PTPRG: variants seen among roughly 807,000 people sequenced by gnomAD.
PTPRG encodes protein tyrosine phosphatase receptor type G.
PTPRG carries 102 observed loss-of-function variants against 165.3 expected under a neutral mutation model. The ratio of observed to expected loss-of-function variants is 0.62; its 90% CI spans 0.53 to 0.73. The LOEUF (loss-of-function observed/expected upper bound fraction) is 0.73. PTPRG is among the 30% of genes least tolerant of loss of function. The probability of loss-of-function intolerance (pLI) is 0.00; values close to 1 mark genes in which losing one functional copy is unlikely to be tolerated. For missense variants in PTPRG, 1,866 were observed against 1,861.4 expected, an observed-to-expected ratio of 1.00 and a Z score of -0.05; for synonymous variants, 675 against 669.5, an observed-to-expected ratio of 1.01 and a Z score of -0.13.
At chr3:61,916,325 GTGT>G (rs1377190962) in intron 2 of PTPRG, among the ~76,000 whole-genome samples, 1 of 152,138 alleles carries the variant, frequency 6.6e-6, no homozygotes, top group African/African-American at 2.4e-5. Flanking sequence ...ACATAGGGTG[GTGT>G]TGAAAATTAT....
At chr3:61,846,423 C>A (rs1253394821) in intron 2 of PTPRG, among the ~76,000 whole-genome samples, 1 of 148,540 alleles carries the variant, frequency 6.7e-6, no homozygotes, top group Non-Finnish European at 1.5e-5. Flanking sequence ...AAGAAACAGG[C>A]TTCAGAGTCA....
intron 2 of PTPRG, among the ~76,000 whole-genome samples, chr3:61,891,049 G>A (rs1362725511): frequency 2.0e-5 from 3 of 152,218 alleles, no homozygotes; most frequent in Non-Finnish European, 2.9e-5. Flanking sequence ...GCTGGTTGCG[G>A]TGGCTCATGC....
chr3:62,017,770 A>G (rs1354822574), intron 4 of PTPRG, among the ~76,000 whole-genome samples: 2 of 152,160 alleles, frequency 1.3e-5, no homozygotes, highest in Admixed American at 1.3e-4. Context: ...TGTAGCTCTT[A>G]TATTAACAAC....
At chr3:62,070,738 C>A (rs1038907632) in intron 4 of PTPRG, among the ~76,000 whole-genome samples, 1 of 152,164 alleles carries the variant, frequency 6.6e-6, no homozygotes, top group Non-Finnish European at 1.5e-5. Context: ...ATCAAAAAAG[C>A]AGAACTGGCA....
At chr3:61,953,235 C>A (rs1300508411) in intron 2 of PTPRG, among the ~76,000 whole-genome samples, 2 of 152,070 alleles carry the variant, frequency 1.3e-5, no homozygotes, top group Non-Finnish European at 1.5e-5. Flanking sequence ...CTTTTCTTGC[C>A]CCCAGCTAAG....
At position 62,190,523 on chromosome 3, in the gene PTPRG, C is replaced by T. The variant is rs566487263; in HGVS notation, c.1034-946C>T. On this transcript the variant is annotated intron_variant, in intron 8 of 29. Transcript: ENST00000474889. The surrounding 1 kb of genome is among the most constrained non-coding windows in gnomAD (Gnocchi z 5.2). Reference sequence around the variant, plus strand: ...GTTTGTCTGTAAATAGATTTAGATCCACCGTGTCCCTTAAACCTCTCAGCC... The same window carrying T: ...GTTTGTCTGTAAATAGATTTAGATCTACCGTGTCCCTTAAACCTCTCAGCC... Among the ~76,000 whole-genome samples, 11 of 152,106 alleles carry T rather than the reference C, an allele frequency of 7.2e-5. No homozygotes were observed. The highest frequency in any genetic ancestry group is 5.9e-4 in the Admixed American group (9 of 15,258).
rs1700410406 is a variant in PTPRG at position 61,585,400 on chromosome 3, G to T, written c.85+23028G>T. 1.3e-5 allele frequency among the ~76,000 whole-genome samples: 2 copies of T among 152,042 alleles called. 1 individual carries two copies. Among genetic ancestry groups the T allele is most frequent in the South Asian group, 4.1e-4 (2 of 4,826 alleles). On this transcript the variant is annotated intron_variant, in intron 1 of 29. Transcript: ENST00000474889. ...CTGTAACCTCAACACGCAGTCTTAT[G>T]ACTTGCCATTTGGTACTATAGCCAT...
chr3:61,605,890 T>C (rs1416318532), intron 1 of PTPRG, among the ~76,000 whole-genome samples: 1 of 152,176 alleles, frequency 6.6e-6, no homozygotes, highest in Admixed American at 6.5e-5. Context: ...TGAATAAATA[T>C]GAACAGCTTG....
chr3:61,562,071 A>C lies in PTPRG; in HGVS notation c.-217A>C. ...TTTCTCCGCCGAGAGGATCGTCCCC[A>C]GCGTGGCTCTGCGTTCCCGGTCACT... On this transcript the variant is annotated 5_prime_UTR_variant, in exon 1 of 30. Coordinates refer to ENST00000474889, the MANE Select transcript of PTPRG (RefSeq NM_002841.4). 1.8e-6 allele frequency: 1 copy of C among 567,042 alleles called. No homozygotes were observed. Among genetic ancestry groups the C allele is most frequent in the Non-Finnish European group, 3.1e-6 (1 of 318,344 alleles). The allele number at this position is 567,042 out of a possible 1,614,324, so 35.1% of individuals were successfully genotyped here.
At chr3:61,661,893 T>C (rs1358184621) in intron 1 of PTPRG, among the ~76,000 whole-genome samples, 1 of 152,216 alleles carries the variant, frequency 6.6e-6, no homozygotes, top group African/African-American at 2.4e-5. Context: ...CTGTTTCTTT[T>C]CAGAAATTAA....
intron 4 of PTPRG, among the ~76,000 whole-genome samples, chr3:62,019,921 C>A (rs1191513593): frequency 6.6e-6 from 1 of 151,996 alleles, no homozygotes. Flanking sequence ...TCCACAAAAA[C>A]CTCTATCTCT....
At chr3:61,860,608 A>AT (rs558603793) in intron 2 of PTPRG, among the ~76,000 whole-genome samples, 2 of 151,364 alleles carry the variant, frequency 1.3e-5, no homozygotes, top group Non-Finnish European at 2.9e-5. Flanking sequence ...TCACCGGCTA[A>AT]TTTTTTTGTA....
chr3:61,562,863 G>A (rs1444258474), intron 1 of PTPRG, among the ~76,000 whole-genome samples: 1 of 152,138 alleles, frequency 6.6e-6, no homozygotes, highest in Non-Finnish European at 1.5e-5. Context: ...GGAGGGCTAG[G>A]TTTCGGGGAA....
At position 62,219,282 on chromosome 3, in the gene PTPRG, G is replaced by A. The variant is rs543865055; in HGVS notation, c.2288+299G>A. Among the ~76,000 whole-genome samples, 4 of 152,300 alleles carry A rather than the reference G, an allele frequency of 2.6e-5. No individual in the cohort carries two copies. The highest frequency in any genetic ancestry group is 2.1e-4 in the South Asian group (1 of 4,822). On this transcript the variant is annotated intron_variant, in intron 13 of 29. Coordinates refer to ENST00000474889, the MANE Select transcript of PTPRG (RefSeq NM_002841.4). The surrounding 1 kb of genome is among the most constrained non-coding windows in gnomAD (Gnocchi z 4.5). Reference sequence around the variant, plus strand: ...CTGCTACTTGCTAGATCCAAATCCCGTGTCCACTTTGATTGTTAGTTTCAG... The same window carrying A: ...CTGCTACTTGCTAGATCCAAATCCCATGTCCACTTTGATTGTTAGTTTCAG...
At chr3:62,030,341 C>T (rs1457091027) in intron 4 of PTPRG, among the ~76,000 whole-genome samples, 1 of 152,024 alleles carries the variant, frequency 6.6e-6, no homozygotes, top group African/African-American at 2.4e-5. Flanking sequence ...CTGCCAGATT[C>T]CTCATGAAAA....
intron 2 of PTPRG, chr3:61,753,585 G>GTTTT (rs10640815): frequency 0.041 from 14,721 of 362,444 alleles, 813 homozygotes; most frequent in African/African-American, 0.14. Context: ...AAATTTGAGG[G>GTTTT]TTTTTTTTTT....
At chr3:61,776,513 G>C (rs1459892004) in intron 2 of PTPRG, among the ~76,000 whole-genome samples, 1 of 152,140 alleles carries the variant, frequency 6.6e-6, no homozygotes, top group East Asian at 1.9e-4. Flanking sequence ...GGTCAGACCA[G>C]TTCCCCAGCC....
At chr3:61,916,031 A>G (rs970940008) in intron 2 of PTPRG, among the ~76,000 whole-genome samples, 2 of 152,252 alleles carry the variant, frequency 1.3e-5, no homozygotes, top group East Asian at 1.9e-4. Context: ...ATTCTTATGC[A>G]TAAAAATATA....
chr3:61,790,028 G>A (rs928834911), intron 2 of PTPRG, among the ~76,000 whole-genome samples: 1 of 152,176 alleles, frequency 6.6e-6, no homozygotes, highest in African/African-American at 2.4e-5. Flanking sequence ...GTGGGATTCA[G>A]CTGATGTGCT....
Sources: gnomAD v4.1 joint callset for allele counts (sites outside exome capture counted in the v4.1 genomes callset) on GRCh38, gnomAD v4.1.1 for gene constraint, Gnocchi (gnomAD v3.1) non-coding constraint, MANE v1.5 for transcripts, NCBI Gene and HGNC (gene_info 2026-07-23, HGNC 2026-07-21) for gene names.